The following KSR2 variants were observed in gnomAD, a reference collection of about 807,000 sequenced individuals.
KSR2 encodes the protein kinase suppressor of ras 2.
KSR2 carries 25 observed loss-of-function variants against 107.8 expected under a neutral mutation model. The ratio of observed to expected loss-of-function variants is 0.23; its 90% CI spans 0.17 to 0.32. The LOEUF (loss-of-function observed/expected upper bound fraction) is 0.32, where lower values mean the gene tolerates loss of function less well. Ranked by LOEUF, KSR2 falls within the 10% of genes least tolerant of loss-of-function variation. The probability of loss-of-function intolerance (pLI) is 1.00; values close to 1 mark genes in which losing one functional copy is unlikely to be tolerated. For missense variants in KSR2, 887 were observed against 1,268.9 expected (o/e 0.70, Z 4.57); for synonymous variants, 480 against 507.0 (o/e 0.95, Z 0.71).
chr12:117,626,292 A>G (rs570930347), intron 5 of KSR2, among the ~76,000 whole-genome samples: 1 of 151,788 alleles, frequency 6.6e-6, no homozygotes, highest in Admixed American at 6.6e-5. Flanking sequence ...TTTAATTGTG[A>G]TGTTGGGGTG....
chr12:117,727,397 G>GA (rs1262527983), intron 4 of KSR2, among the ~76,000 whole-genome samples: 2 of 151,266 alleles, frequency 1.3e-5, no homozygotes, highest in East Asian at 3.9e-4. Flanking sequence ...AGAAGGAGCA[G>GA]AAAAAGAAGA....
rs1224495310 is a variant in KSR2, at chr12:117,453,397, C to G, written c.*13802G>C. 1 of 152,456 alleles carries G rather than the reference C, an allele frequency of 6.6e-6. No individual in the cohort carries two copies. The highest frequency in any genetic ancestry group is 1.5e-5 in the Non-Finnish European group (1 of 68,018). The allele number at this position is 152,456 out of a possible 1,614,324, so 9.4% of individuals were successfully genotyped here. The stretch of plus-strand genomic sequence containing the variant: ...AAAGGAAAAGAAAGAAGTGGCCCCC[C>G]AAAAGAAAACATGAAACCACCTTCT... On this transcript the variant is annotated 3_prime_UTR_variant, in exon 20 of 20. Coordinates refer to ENST00000339824, the MANE Select transcript of KSR2 (RefSeq NM_173598.6).
intron 14 of KSR2, among the ~76,000 whole-genome samples, chr12:117,487,005 A>T (rs1872502889): frequency 6.6e-6 from 1 of 151,112 alleles, no homozygotes; most frequent in Non-Finnish European, 1.5e-5. Flanking sequence ...GGGTGCATTA[A>T]CCTCTCTGAG....
intron 1 of KSR2, among the ~76,000 whole-genome samples, chr12:117,960,403 G>C (rs1171658101): frequency 6.6e-6 from 1 of 152,188 alleles, no homozygotes; most frequent in African/African-American, 2.4e-5. Context: ...AAAGGTTGCA[G>C]AACCAGAGGC....
intron 4 of KSR2, among the ~76,000 whole-genome samples, chr12:117,691,246 G>A (rs1423330462): frequency 6.6e-5 from 10 of 152,130 alleles, no homozygotes; most frequent in Admixed American, 1.3e-4. Flanking sequence ...CCAGGGTAAC[G>A]GGCATCCCAA....
intron 4 of KSR2, among the ~76,000 whole-genome samples, chr12:117,691,033 G>A (rs186872580): frequency 2.0e-5 from 3 of 152,238 alleles, no homozygotes; most frequent in East Asian, 1.9e-4. Flanking sequence ...GAAGAGAATC[G>A]GCAAACCTAC....
chr12:117,829,054 C>T (rs1378903047), intron 3 of KSR2, among the ~76,000 whole-genome samples: 1 of 152,146 alleles, frequency 6.6e-6, no homozygotes, highest in African/African-American at 2.4e-5. Flanking sequence ...AACCACACAC[C>T]ACCCCTTAAG....
At chr12:117,728,640 T>C (rs1390344350) in intron 4 of KSR2, among the ~76,000 whole-genome samples, 1 of 152,186 alleles carries the variant, frequency 6.6e-6, no homozygotes, top group African/African-American at 2.4e-5. Flanking sequence ...CCCCCAGCGC[T>C]GCAAAACACG....
Position 117,968,067 on chromosome 12 carries a change from A to G in KSR2, c.180+9T>C, listed in dbSNP as rs749548720. On this transcript the variant is annotated intron_variant, in intron 1 of 19. Transcript: ENST00000339824. ...TTTTTTTTTTTTTTTTCCCGTAGGC[A>G]ACACCTACCTCCAGGGTCCGGATTT... The G allele has an allele frequency of 7.4e-7, 1 of 1,350,796 alleles. No individual in the cohort carries two copies. The highest frequency in any genetic ancestry group is 1.0e-6 in the Non-Finnish European group (1 of 975,982). 83.7% of individuals were successfully genotyped at this position (1,350,796 alleles called of 1,614,324 possible).
At chr12:117,850,265 G>A (rs556711275) in intron 3 of KSR2, among the ~76,000 whole-genome samples, 1 of 152,226 alleles carries the variant, frequency 6.6e-6, no homozygotes, top group East Asian at 1.9e-4. Flanking sequence ...TGTTCCGGTA[G>A]CCAAGGCAAG....
At chr12:117,793,576 TTTAC>T (rs1890387927) in intron 3 of KSR2, among the ~76,000 whole-genome samples, 2 of 76,126 alleles carry the variant, frequency 2.6e-5, no homozygotes, top group East Asian at 4.8e-4. Context: ...TGCACACACC[TTTAC>T]ACCAATATGC....
At chr12:117,720,145 A>G (rs1209854112) in intron 4 of KSR2, among the ~76,000 whole-genome samples, 2 of 152,234 alleles carry the variant, frequency 1.3e-5, no homozygotes. Flanking sequence ...AAATTTCTAT[A>G]GATGGTTCAT....
intron 3 of KSR2, among the ~76,000 whole-genome samples, chr12:117,851,354 C>T (rs991883639): frequency 1.3e-5 from 2 of 152,078 alleles, no homozygotes; most frequent in Non-Finnish European, 2.9e-5. Flanking sequence ...TTTAGGAGGC[C>T]GAGGCAGGAG....
intron 1 of KSR2, among the ~76,000 whole-genome samples, chr12:117,965,332 T>A (rs1896754975): frequency 6.6e-6 from 1 of 152,232 alleles, no homozygotes; most frequent in South Asian, 2.1e-4. Flanking sequence ...AGAATTCTTG[T>A]TACATGAAGA....
At chr12:117,908,956 A>T (rs754145912) in intron 1 of KSR2, among the ~76,000 whole-genome samples, 1 of 152,166 alleles carries the variant, frequency 6.6e-6, no homozygotes, top group African/African-American at 2.4e-5. Flanking sequence ...CCTCTAGTCC[A>T]ATCCAATTTT....
chr12:117,895,258 T>C (rs1473187636), intron 1 of KSR2, among the ~76,000 whole-genome samples: 2 of 151,848 alleles, frequency 1.3e-5, no homozygotes, highest in Non-Finnish European at 2.9e-5. Context: ...AAAATATATA[T>C]TACCGACATT....
rs1870706268 is a variant in KSR2 at position 117,458,069 on chromosome 12, G to C, written c.*9130C>G. On this transcript the variant is annotated 3_prime_UTR_variant, in exon 20 of 20. Transcript: ENST00000339824. Reference sequence around the variant, plus strand: ...GGGCTTTAGGCTTCAGAACAGGTGAGACATTGTATCACTCATCACTGAATG... The same window carrying C: ...GGGCTTTAGGCTTCAGAACAGGTGACACATTGTATCACTCATCACTGAATG... 6.6e-6 allele frequency: 1 copy of C among 152,158 alleles called. No individual in the cohort carries two copies. The highest frequency in any genetic ancestry group is 1.5e-5 in the Non-Finnish European group (1 of 68,038). 9.4% of individuals were successfully genotyped at this position (152,158 alleles called of 1,614,324 possible). A position where few individuals can be genotyped will look rare whatever the true frequency, so the allele number is the denominator to read the frequency against.
At chr12:117,559,897 G>T (rs933338920) in intron 7 of KSR2, among the ~76,000 whole-genome samples, 1 of 152,176 alleles carries the variant, frequency 6.6e-6, no homozygotes, top group African/African-American at 2.4e-5. Context: ...GCACATACCA[G>T]TCTAACTTCC....
At chr12:117,510,406 C>T (rs1300529470) in intron 14 of KSR2, among the ~76,000 whole-genome samples, 2 of 152,134 alleles carry the variant, frequency 1.3e-5, no homozygotes, top group East Asian at 3.9e-4. Flanking sequence ...AACACTAAGG[C>T]TCAGAGAGGT....
Sources: gnomAD v4.1 joint callset for allele counts (sites outside exome capture counted in the v4.1 genomes callset) on GRCh38, gnomAD v4.1.1 for gene constraint, MANE v1.5 for transcripts, NCBI Gene and HGNC (gene_info 2026-07-23, HGNC 2026-07-21) for gene names.